The following DGKI variants were observed in gnomAD, a reference collection of about 807,000 sequenced individuals.
DGKI encodes DAG kinase iota.
A neutral mutation model predicts 147.5 loss-of-function variants in DGKI; 55 were observed. That is an observed-to-expected ratio of 0.37 (90% CI 0.30 to 0.47). DGKI has a LOEUF of 0.47. Among genes scored for constraint, DGKI ranks in the 20% least tolerant of loss-of-function variants. The pLI is 1.00. For missense variants in DGKI, 1,007 were observed against 1,323.8 expected (o/e 0.76, Z 3.71); for synonymous variants, 469 against 477.1 (o/e 0.98, Z 0.22).
chr7:137,439,403 A>G (rs1014461409), intron 28 of DGKI, among the ~76,000 whole-genome samples: 2 of 152,212 alleles, frequency 1.3e-5, no homozygotes, highest in African/African-American at 4.8e-5. Context: ...CCTCACAATC[A>G]TGGCGGAAGA....
At chr7:137,725,304 A>G (rs1266763008) in intron 1 of DGKI, among the ~76,000 whole-genome samples, 1 of 152,220 alleles carries the variant, frequency 6.6e-6, no homozygotes, top group Non-Finnish European at 1.5e-5. Context: ...AGCTGAAGAC[A>G]TTTGAAATAT....
At chr7:137,520,575 A>C (rs567665232) in intron 21 of DGKI, among the ~76,000 whole-genome samples, 7 of 152,228 alleles carry the variant, frequency 4.6e-5, no homozygotes, top group African/African-American at 1.7e-4. Context: ...ATGAGGGTAA[A>C]GTATGGAAGT....
At chr7:137,748,854 G>T (rs961534513) in intron 1 of DGKI, among the ~76,000 whole-genome samples, 1 of 152,120 alleles carries the variant, frequency 6.6e-6, no homozygotes, top group Non-Finnish European at 1.5e-5. Flanking sequence ...TTAAGGAAAA[G>T]AATTTATAAC....
chr7:137,401,094 GC>G (rs1482361169), intron 30 of DGKI, among the ~76,000 whole-genome samples: 3 of 152,164 alleles, frequency 2.0e-5, no homozygotes, highest in Non-Finnish European at 2.9e-5. Flanking sequence ...CCAATGGGGA[GC>G]TATGCTTTAA....
intron 18 of DGKI, 144 bp downstream of exon 18, chr7:137,572,621 G>A (rs1818832070): frequency 1.7e-6 from 1 of 598,480 alleles, no homozygotes; most frequent in Non-Finnish European, 2.9e-6. Context: ...ATCGGAGAAT[G>A]AATTATCAGA....
intron 28 of DGKI, among the ~76,000 whole-genome samples, chr7:137,443,108 T>C (rs2128916873): frequency 6.6e-6 from 1 of 152,144 alleles, no homozygotes; most frequent in East Asian, 1.9e-4. Context: ...GGAAAACAGA[T>C]CATGGGTAGG....
At chr7:137,724,286 T>C (rs1415264857) in intron 1 of DGKI, among the ~76,000 whole-genome samples, 1 of 152,156 alleles carries the variant, frequency 6.6e-6, no homozygotes, top group Admixed American at 6.5e-5. Context: ...GTGAGGACCT[T>C]GGATTTTCTA....
At chr7:137,527,265 G>A (rs1817183909) in intron 20 of DGKI, among the ~76,000 whole-genome samples, 1 of 152,070 alleles carries the variant, frequency 6.6e-6, no homozygotes. Context: ...TATTATTATC[G>A]CCCTAGCGCT....
chr7:137,827,434 C>T (rs1025984275), intron 1 of DGKI, among the ~76,000 whole-genome samples: 7 of 152,176 alleles, frequency 4.6e-5, no homozygotes, highest in African/African-American at 1.4e-4. Context: ...TGCACAAATA[C>T]GTCATACATT....
chr7:137,576,856 AT>A (rs931703227), intron 17 of DGKI, among the ~76,000 whole-genome samples: 4 of 151,512 alleles, frequency 2.6e-5, no homozygotes, highest in Non-Finnish European at 4.4e-5. Flanking sequence ...AGCTAACATC[AT>A]TTTTTTTTAT....
At chr7:137,744,910 A>G (rs911579509) in intron 1 of DGKI, among the ~76,000 whole-genome samples, 15 of 152,188 alleles carry the variant, frequency 9.9e-5, no homozygotes, top group African/African-American at 3.6e-4. Context: ...TAAGAGCCCT[A>G]TATGACAAAC....
chr7:137,504,642 C>CT (rs1816303504), intron 21 of DGKI, among the ~76,000 whole-genome samples: 1 of 152,050 alleles, frequency 6.6e-6, no homozygotes, highest in South Asian at 2.1e-4. Flanking sequence ...TTGACATTTC[C>CT]TTAAGCATCA....
chr7:137,410,169 G>A (rs2128900196), intron 29 of DGKI, among the ~76,000 whole-genome samples: 1 of 152,236 alleles, frequency 6.6e-6, no homozygotes, highest in South Asian at 2.1e-4. Context: ...ACTTCAGGAG[G>A]CCAAGGCAAG....
chr7:137,429,138 C>T (rs1401244808), intron 28 of DGKI, among the ~76,000 whole-genome samples: 1 of 152,150 alleles, frequency 6.6e-6, no homozygotes, highest in Non-Finnish European at 1.5e-5. Flanking sequence ...AATCACACTA[C>T]CTGACTTCAA....
At chr7:137,648,616 C>T (rs1821914831) in intron 5 of DGKI, among the ~76,000 whole-genome samples, 1 of 152,140 alleles carries the variant, frequency 6.6e-6, no homozygotes, top group Non-Finnish European at 1.5e-5. Flanking sequence ...ATTCATATCC[C>T]AGGACAGAGC....
intron 21 of DGKI, among the ~76,000 whole-genome samples, chr7:137,492,271 TA>T (rs1429786437): frequency 6.6e-6 from 1 of 151,896 alleles, no homozygotes; most frequent in Non-Finnish European, 1.5e-5. Context: ...AAGATCAAAA[TA>T]AACAGGATCC....
chr7:137,686,686 T>C (rs1823429820), intron 2 of DGKI, among the ~76,000 whole-genome samples: 1 of 152,208 alleles, frequency 6.6e-6, no homozygotes, highest in Non-Finnish European at 1.5e-5. Flanking sequence ...AAAAACTGTC[T>C]GCTATAACAG....
chr7:137,637,102 C>T (rs1329653164), intron 6 of DGKI, among the ~76,000 whole-genome samples: 2 of 152,218 alleles, frequency 1.3e-5, no homozygotes, highest in East Asian at 1.9e-4. Context: ...AGGTCAAGTC[C>T]GGGTAACTCT....
chr7:137,805,903 C>T (rs1481642543), intron 1 of DGKI, among the ~76,000 whole-genome samples: 1 of 152,216 alleles, frequency 6.6e-6, no homozygotes, highest in Non-Finnish European at 1.5e-5. Context: ...AAGCCAGTGT[C>T]AGAACTGTGG....
Sources: allele counts gnomAD v4.1 joint callset (sites outside exome capture counted in the v4.1 genomes callset), GRCh38; gene constraint gnomAD v4.1.1; transcripts MANE v1.5; gene names NCBI Gene and HGNC (gene_info 2026-07-23, HGNC 2026-07-21).